Variants in CLSTN2 observed in about 807,000 individuals in gnomAD.
The protein encoded by CLSTN2 is calsyntenin-2.
In CLSTN2, 48 loss-of-function variants were observed where a neutral mutation model predicts 101.2. That is an observed-to-expected ratio of 0.47 (90% CI 0.38 to 0.60). The LOEUF (loss-of-function observed/expected upper bound fraction) is 0.60, where lower values mean the gene tolerates loss of function less well. CLSTN2 is among the 20% of genes least tolerant of loss of function. CLSTN2 has a pLI of 0.00. For missense variants in CLSTN2, 1,160 were observed against 1,238.2 expected, an observed-to-expected ratio of 0.94 and a Z score of 0.95; for synonymous variants, 481 against 463.6, an observed-to-expected ratio of 1.04 and a Z score of -0.48.
At chr3:140,208,588 C>A (rs1165986263) in intron 2 of CLSTN2, among the ~76,000 whole-genome samples, 1 of 152,070 alleles carries the variant, frequency 6.6e-6, no homozygotes, top group Non-Finnish European at 1.5e-5. Context: ...TATTTTCCTG[C>A]CTTCTTATAC....
At position 140,163,419 on chromosome 3, in the gene CLSTN2, T is replaced by TACACACACACACACAC. The variant is rs60464575; in HGVS notation, c.110-12516_110-12501dup. Among the ~76,000 whole-genome samples the TACACACACACACACAC allele has an allele frequency of 3.4e-3, 496 of 145,106 alleles. 3 individuals are homozygous for TACACACACACACACAC. Among genetic ancestry groups the TACACACACACACACAC allele is most frequent in the African/African-American group, 0.012 (468 of 39,676 alleles). The stretch of plus-strand genomic sequence containing the variant: ...TCAATTCTTTAAAATTTTCTATCTC[T>TACACACACACACACAC]ACACACACACACACACACACACACA... On this transcript the variant is annotated intron_variant, in intron 1 of 16. Transcript: ENST00000458420.
rs2086378370 is a variant in CLSTN2, at chr3:140,232,372, T to C, written c.232+56299T>C. Among the ~76,000 whole-genome samples, 4 of 152,206 alleles carry C rather than the reference T, an allele frequency of 2.6e-5. No individual in the cohort carries two copies. The South Asian group carries it at 6.2e-4, about 24-fold the overall frequency. ...ACATTGAATGTTAGCCACTCTCTCC[T>C]GATCCTCATTCCCTCCTCATGGGTG... On this transcript the variant is annotated intron_variant, in intron 2 of 16. Transcript: ENST00000458420.
chr3:140,480,984 C>A (rs1478430907), intron 8 of CLSTN2, among the ~76,000 whole-genome samples: 1 of 152,138 alleles, frequency 6.6e-6, no homozygotes, highest in African/African-American at 2.4e-5. Context: ...GCTTTTGTTG[C>A]CATTGCTTTT....
chr3:140,269,916 AGAGGTTTTGTGAGGATTTGAT>A (rs950399324), intron 2 of CLSTN2, among the ~76,000 whole-genome samples: 2 of 151,574 alleles, frequency 1.3e-5, no homozygotes, highest in Non-Finnish European at 2.9e-5. Context: ...CTTATCTCAG[AGAGGTTTTGTGAGGATTTGAT>A]GAGGTTTTGT....
chr3:140,137,782 G>C (rs1330875781), intron 1 of CLSTN2, among the ~76,000 whole-genome samples: 2 of 152,212 alleles, frequency 1.3e-5, no homozygotes, highest in African/African-American at 4.8e-5. Context: ...CATCGGTAGA[G>C]CAGAGACTGC....
intron 2 of CLSTN2, among the ~76,000 whole-genome samples, chr3:140,222,590 A>G (rs2086283365): frequency 6.6e-6 from 1 of 152,202 alleles, no homozygotes; most frequent in Non-Finnish European, 1.5e-5. Flanking sequence ...ACCTGTAAAT[A>G]TATATACCTA....
intron 9 of CLSTN2, among the ~76,000 whole-genome samples, chr3:140,539,444 A>G (rs1009211704): frequency 6.6e-6 from 1 of 152,226 alleles, no homozygotes; most frequent in Non-Finnish European, 1.5e-5. Flanking sequence ...GTCTGGAAAC[A>G]GAGTATCACT....
At chr3:139,998,855 A>G (rs921572310) in intron 1 of CLSTN2, among the ~76,000 whole-genome samples, 3 of 152,148 alleles carry the variant, frequency 2.0e-5, no homozygotes, top group Non-Finnish European at 4.4e-5. Flanking sequence ...TTTCTGGCTT[A>G]TATTCTAGTC....
At chr3:140,316,579 A>C (rs985533059) in intron 2 of CLSTN2, among the ~76,000 whole-genome samples, 3 of 152,004 alleles carry the variant, frequency 2.0e-5, no homozygotes, top group Non-Finnish European at 2.9e-5. Context: ...ATGCCATTTT[A>C]ATCATCAGTT....
At chr3:139,944,371 G>A (rs139096341) in intron 1 of CLSTN2, among the ~76,000 whole-genome samples, 1 of 152,198 alleles carries the variant, frequency 6.6e-6, no homozygotes, top group South Asian at 2.1e-4. Flanking sequence ...CAGAGATTTT[G>A]TTGTAATTGC....
chr3:140,176,518 C>T (rs899009386), intron 2 of CLSTN2, among the ~76,000 whole-genome samples: 3 of 152,222 alleles, frequency 2.0e-5, no homozygotes, highest in African/African-American at 7.2e-5. Flanking sequence ...CTAAGAGTGG[C>T]ACAGGGTCTT....
At chr3:140,308,994 A>G (rs936368613) in intron 2 of CLSTN2, among the ~76,000 whole-genome samples, 37 of 152,208 alleles carry the variant, frequency 2.4e-4, no homozygotes, top group African/African-American at 8.7e-4. Context: ...TGTAATCTTT[A>G]AGCCATGGTT....
At chr3:140,187,010 A>G (rs758579082) in intron 2 of CLSTN2, among the ~76,000 whole-genome samples, 3 of 152,204 alleles carry the variant, frequency 2.0e-5, no homozygotes, top group Non-Finnish European at 4.4e-5. Flanking sequence ...TGTGGGTTGC[A>G]AGGGGAAAAT....
intron 8 of CLSTN2, among the ~76,000 whole-genome samples, chr3:140,487,479 G>A (rs1934262096): frequency 1.3e-5 from 2 of 152,198 alleles, no homozygotes; most frequent in Non-Finnish European, 2.9e-5. Flanking sequence ...GTATCAGTGA[G>A]AATGAGTTGG....
rs1192779748 is a variant in CLSTN2, at chr3:140,176,034, C to A, written c.193C>A (p.Leu65Met). The A allele has an allele frequency of 2.5e-6, 4 of 1,613,810 alleles. No homozygotes were observed. The African/African-American group carries it at 4.0e-5, about 16-fold the overall frequency. ...TGACACAGTCATTTTGGACCCACCA[C>A]TGGTAGCCCTGGATAAAGATGCACC... ...NNDTVILDPP[L>M]VALDKDAPVP... Residue 65 changes from leucine (L) to methionine (M), a missense_variant, in exon 2 of 17, where the codon CTG (leucine) becomes ATG (methionine). Transcript: ENST00000458420.
At chr3:140,062,407 GA>G (rs1255896314) in intron 1 of CLSTN2, among the ~76,000 whole-genome samples, 1 of 152,172 alleles carries the variant, frequency 6.6e-6, no homozygotes, top group Admixed American at 6.6e-5. Context: ...ATACAATTAT[GA>G]AGTATACACG....
chr3:140,387,211 A>G (rs114677983), intron 2 of CLSTN2, among the ~76,000 whole-genome samples: 2,281 of 152,218 alleles, frequency 0.015, 61 homozygotes, highest in African/African-American at 0.052. Context: ...ACAGTGGAGC[A>G]TCAAGGAGAT....
intron 1 of CLSTN2, among the ~76,000 whole-genome samples, chr3:139,975,783 G>T (rs1246180812): frequency 6.6e-6 from 1 of 152,168 alleles, no homozygotes; most frequent in Non-Finnish European, 1.5e-5. Flanking sequence ...CCACCTCTCT[G>T]CAGTGAATGG....
At chr3:140,215,879 GT>G (rs1477281698) in intron 2 of CLSTN2, among the ~76,000 whole-genome samples, 8 of 152,210 alleles carry the variant, frequency 5.3e-5, no homozygotes, top group Admixed American at 3.9e-4. Flanking sequence ...AGGTGTATTA[GT>G]TTGGGTTTTG....
Sources: gnomAD v4.1 joint callset for allele counts (sites outside exome capture counted in the v4.1 genomes callset) on GRCh38, gnomAD v4.1.1 for gene constraint, MANE v1.5 for transcripts, NCBI Gene and HGNC (gene_info 2026-07-23, HGNC 2026-07-21) for gene names.